The following TTC6 variants were observed in gnomAD, a reference collection of about 807,000 sequenced individuals.
The protein encoded by TTC6 is tetratricopeptide repeat domain 6.
TTC6 carries 172 observed loss-of-function variants against 210.4 expected under a neutral mutation model. That is an observed-to-expected ratio of 0.82 (90% confidence interval 0.72 to 0.93). The LOEUF (loss-of-function observed/expected upper bound fraction) is 0.93, where lower values mean the gene tolerates loss of function less well. TTC6 is among the 40% of genes least tolerant of loss of function. TTC6 has a pLI of 0.00. For missense variants in TTC6, 2,414 were observed against 2,318.1 expected (o/e 1.04, Z -0.85); for synonymous variants, 804 against 819.6 (o/e 0.98, Z 0.32).
chr14:37,706,715 T>C (rs907534660), intron 5 of TTC6, among the ~76,000 whole-genome samples: 3 of 152,080 alleles, frequency 2.0e-5, no homozygotes, highest in African/African-American at 7.2e-5. Flanking sequence ...TGGGAGAAAA[T>C]TCAAGAAACT....
rs1478945962 is a variant in TTC6 at position 37,738,758 on chromosome 14, C to T, written c.1984-18C>T. ...AATTGATTTTACGTTTTTTCTACCT[C>T]TTTGCTTGCTTACTAAGCGAGTAAA... On this transcript the variant is annotated intron_variant, in intron 9 of 30. Transcript: ENST00000553443. 1 of 1,438,926 alleles carries T rather than the reference C, an allele frequency of 6.9e-7. No individual in the cohort carries two copies. Among genetic ancestry groups the T allele is most frequent in the Non-Finnish European group, 9.1e-7 (1 of 1,102,598 alleles). The allele number at this position is 1,438,926 out of a possible 1,614,324, so 89.1% of individuals were successfully genotyped here.
At chr14:37,761,181 A>G (rs879325412) in intron 14 of TTC6, among the ~76,000 whole-genome samples, 2 of 152,080 alleles carry the variant, frequency 1.3e-5, no homozygotes, top group Non-Finnish European at 2.9e-5. Flanking sequence ...GCAGATTGCA[A>G]TAACCATGGG....
intron 17 of TTC6, among the ~76,000 whole-genome samples, chr14:37,793,387 A>G (rs1369902222): frequency 6.6e-6 from 1 of 152,200 alleles, no homozygotes; most frequent in Non-Finnish European, 1.5e-5. Context: ...CAAACCTTCA[A>G]AATTACTGTA....
chr14:37,712,420 C>G (rs185249751), intron 5 of TTC6, among the ~76,000 whole-genome samples: 8 of 152,296 alleles, frequency 5.3e-5, no homozygotes, highest in Admixed American at 3.9e-4. Context: ...CCTAGACCTT[C>G]CCCTGTTCTT....
intron 22 of TTC6, among the ~76,000 whole-genome samples, chr14:37,806,954 A>T (rs931852691): frequency 6.6e-6 from 1 of 152,158 alleles, no homozygotes; most frequent in African/African-American, 2.4e-5. Flanking sequence ...TCTATAAGTT[A>T]TCTTGGATAT....
chr14:37,765,619 A>C (rs1453305308), intron 14 of TTC6, among the ~76,000 whole-genome samples: 1 of 152,088 alleles, frequency 6.6e-6, no homozygotes, highest in Non-Finnish European at 1.5e-5. Context: ...AAATTTACCT[A>C]TTCAGTACTT....
At chr14:37,687,243 A>G (rs143938008) in intron 3 of TTC6, among the ~76,000 whole-genome samples, 296 of 152,202 alleles carry the variant, frequency 1.9e-3, no homozygotes, top group African/African-American at 6.8e-3. Context: ...CCAAAACTTA[A>G]CCAAACTCAG....
chr14:37,834,617 T>C (rs989898134), intron 29 of TTC6, among the ~76,000 whole-genome samples: 4 of 152,184 alleles, frequency 2.6e-5, no homozygotes, highest in Admixed American at 2.0e-4. Context: ...ATCTGTGTTC[T>C]TTTGTTCTAA....
At chr14:37,775,000 T>C (rs2096032644) in intron 14 of TTC6, among the ~76,000 whole-genome samples, 2 of 152,202 alleles carry the variant, frequency 1.3e-5, no homozygotes, top group African/African-American at 4.8e-5. Context: ...TCATTTCCTT[T>C]ATGTTTTCTA....
intron 25 of TTC6, among the ~76,000 whole-genome samples, chr14:37,817,099 C>T (rs2096143805): frequency 6.6e-6 from 1 of 152,134 alleles, no homozygotes; most frequent in Non-Finnish European, 1.5e-5. Flanking sequence ...CAGGAGCAGC[C>T]CCAGCTCATC....
intron 14 of TTC6, among the ~76,000 whole-genome samples, chr14:37,770,861 T>G (rs1385655962): frequency 6.6e-5 from 10 of 151,076 alleles, no homozygotes; most frequent in Non-Finnish European, 1.0e-4. Context: ...GTTAGCTGGT[T>G]ATTTCGCTCA....
At chr14:37,622,303 A>G in exon 1 of TTC6, 11 of 1,534,774 alleles carry the variant, frequency 7.2e-6, no homozygotes, top group Non-Finnish European at 9.6e-6. Flanking sequence ...CCTTCGCTTA[A>G]AGGCCCTGCG....
At chr14:37,794,396 C>G (rs747943144) in intron 17 of TTC6, among the ~76,000 whole-genome samples, 6 of 152,196 alleles carry the variant, frequency 3.9e-5, no homozygotes, top group Non-Finnish European at 8.8e-5. Context: ...ACATTTGCTT[C>G]TTTGCATCAT....
At chr14:37,659,210 A>G (rs998349763) in intron 1 of TTC6, among the ~76,000 whole-genome samples, 1 of 151,850 alleles carries the variant, frequency 6.6e-6, no homozygotes, top group African/African-American at 2.4e-5. Flanking sequence ...GATTCCATGT[A>G]TTTGCTATTG....
exon 31 of TTC6, chr14:37,842,361 C>A (rs2139067182): frequency 7.5e-7 from 1 of 1,337,392 alleles, no homozygotes; most frequent in Non-Finnish European, 9.8e-7. Context: ...TATTTGTTGT[C>A]TAAAAGGTTC....
chr14:37,836,630 A>T (rs1379338694), intron 29 of TTC6, among the ~76,000 whole-genome samples: 1 of 152,112 alleles, frequency 6.6e-6, no homozygotes, highest in East Asian at 1.9e-4. Context: ...GACTTGATAT[A>T]CTGTATGCCT....
At chr14:37,818,533 T>C (rs1028369138) in intron 26 of TTC6, among the ~76,000 whole-genome samples, 1 of 152,196 alleles carries the variant, frequency 6.6e-6, no homozygotes, top group East Asian at 1.9e-4. Context: ...TTATGTAGAC[T>C]GGGCTGTATA....
chr14:37,732,358 AT>A (rs1315703784), intron 7 of TTC6, among the ~76,000 whole-genome samples: 5 of 149,468 alleles, frequency 3.3e-5, no homozygotes, highest in Admixed American at 6.7e-5. Flanking sequence ...AATTTTTCGT[AT>A]TTTTTAGTAC....
At chr14:37,631,188 G>C (rs964066261) in intron 1 of TTC6, among the ~76,000 whole-genome samples, 44 of 151,892 alleles carry the variant, frequency 2.9e-4, no homozygotes, top group Non-Finnish European at 6.0e-4. Flanking sequence ...ATTAGTTGAT[G>C]CAGTTTCTTC....
Sources: gnomAD v4.1 joint callset for allele counts (sites outside exome capture counted in the v4.1 genomes callset) on GRCh38, gnomAD v4.1.1 for gene constraint, MANE v1.5 for transcripts, NCBI Gene and HGNC (gene_info 2026-07-23, HGNC 2026-07-21) for gene names.